NFATC2: variants seen among roughly 807,000 people sequenced by gnomAD.
The protein encoded by NFATC2 is nuclear factor of activated T-cells, cytoplasmic 2.
NFATC2 carries 22 observed loss-of-function variants against 87.3 expected under a neutral mutation model. That is an observed-to-expected ratio of 0.25 (90% CI 0.18 to 0.36). The LOEUF (loss-of-function observed/expected upper bound fraction) is 0.36. NFATC2 is among the 10% of genes least tolerant of loss of function. NFATC2 has a pLI of 1.00. For missense variants in NFATC2, 1,149 were observed against 1,259.1 expected (o/e 0.91, Z 1.32); for synonymous variants, 565 against 542.2 (o/e 1.04, Z -0.58).
In NFATC2 at chr20:51,480,036, C is replaced by T. The variant is rs1465266214; in HGVS notation, c.1333-4376G>A. On this transcript the variant is annotated intron_variant, in intron 3 of 10. Transcript: ENST00000371564. This position sits in a 1 kb window ranked among gnomAD's most constrained non-coding sequence, Gnocchi z 4.2. The stretch of plus-strand genomic sequence containing the variant: ...GGCGCGGTGGCTCGTGCCTGTAATC[C>T]CAGCACTTTGGGAGGCTGAGGTGGG... Among the ~76,000 whole-genome samples, 2 of 152,102 alleles carry T rather than the reference C, an allele frequency of 1.3e-5. No individual in the cohort carries two copies. The highest frequency in any genetic ancestry group is 4.8e-5 in the African/African-American group (2 of 41,410).
intron 6 of NFATC2, among the ~76,000 whole-genome samples, chr20:51,440,236 C>CAAAAAAAAAAAAAAAA (rs34071345): frequency 3.6e-4 from 35 of 97,194 alleles, no homozygotes; most frequent in East Asian, 2.2e-3. Context: ...AACTCCATCT[C>CAAAAAAAAAAAAAAAA]AAAAAAAAAA....
intron 6 of NFATC2, among the ~76,000 whole-genome samples, chr20:51,441,275 T>G (rs1189567583): frequency 6.7e-6 from 1 of 149,842 alleles, no homozygotes; most frequent in East Asian, 2.0e-4. Flanking sequence ...AGAGCAAGAC[T>G]TCATCTCAAA....
chr20:51,439,755 C>T (rs1467117879), intron 6 of NFATC2, among the ~76,000 whole-genome samples: 1 of 152,234 alleles, frequency 6.6e-6, no homozygotes, highest in African/African-American at 2.4e-5. Flanking sequence ...CTCCCACGTA[C>T]CCCAAATTTC....
chr20:51,521,182 T>C (rs1023853398), intron 2 of NFATC2, among the ~76,000 whole-genome samples: 27 of 152,216 alleles, frequency 1.8e-4, no homozygotes, highest in Non-Finnish European at 3.1e-4. Flanking sequence ...GTGGAGGAAA[T>C]GCCAGGCTGG....
intron 1 of NFATC2, among the ~76,000 whole-genome samples, chr20:51,555,179 G>A (rs1468062717): frequency 1.3e-5 from 2 of 152,158 alleles, no homozygotes; most frequent in African/African-American, 4.8e-5. Flanking sequence ...GCTAGAGGCT[G>A]CTCTCCCCTT....
At chr20:51,400,399 A>G (rs1221885964) in intron 9 of NFATC2, among the ~76,000 whole-genome samples, 2 of 147,800 alleles carry the variant, frequency 1.4e-5, no homozygotes, top group East Asian at 4.0e-4. Context: ...CAGACCATCC[A>G]CCCAGAACAC....
At chr20:51,393,628 C>CT (rs958464923) in intron 10 of NFATC2, among the ~76,000 whole-genome samples, 1 of 152,160 alleles carries the variant, frequency 6.6e-6, no homozygotes, top group Non-Finnish European at 1.5e-5. Context: ...TCAGTGCTCC[C>CT]TGCAGGGGTG....
At chr20:51,453,605 G>T (rs1365467038) in intron 6 of NFATC2, among the ~76,000 whole-genome samples, 1 of 152,162 alleles carries the variant, frequency 6.6e-6, no homozygotes, top group East Asian at 1.9e-4. Flanking sequence ...TCCTACTTCA[G>T]ATCAGCATCT....
intron 1 of NFATC2, among the ~76,000 whole-genome samples, chr20:51,555,294 C>T (rs1477469648): frequency 6.6e-6 from 1 of 152,128 alleles, no homozygotes; most frequent in Non-Finnish European, 1.5e-5. Flanking sequence ...CTTCAGACTC[C>T]TTACAAGATC....
chr20:51,530,229 C>T (rs777070128), intron 1 of NFATC2, among the ~76,000 whole-genome samples: 53 of 152,186 alleles, frequency 3.5e-4, no homozygotes, highest in African/African-American at 1.2e-3. Context: ...TACAGTGGTG[C>T]GATCTCGACT....
At position 51,387,843 on chromosome 20, in the gene NFATC2, A is replaced by G. The variant is rs1985921888; in HGVS notation, c.*3653T>C. 1 of 148,790 alleles carries G rather than the reference A, an allele frequency of 6.7e-6. No individual in the cohort carries two copies. Among genetic ancestry groups the G allele is most frequent in the African/African-American group, 2.5e-5 (1 of 40,064 alleles). The allele number at this position is 148,790 out of a possible 1,614,324, so 9.2% of individuals were successfully genotyped here. ...ATTCTTTCAATTCTGAGCAATAGAA[A>G]GCACTTGGAAAGGTCTTTTTTTTTT... On this transcript the variant is annotated 3_prime_UTR_variant, in exon 11 of 11. Transcript: ENST00000371564.
chr20:51,552,501 C>CTTTT (rs1325519934), intron 1 of NFATC2, among the ~76,000 whole-genome samples: 3 of 152,176 alleles, frequency 2.0e-5, no homozygotes, highest in Non-Finnish European at 4.4e-5. Flanking sequence ...CCTACAGAGT[C>CTTTT]TTTTAAAGCC....
chr20:51,545,794 T>A (rs1279955820), upstream of NFATC2, among the ~76,000 whole-genome samples: 2 of 150,914 alleles, frequency 1.3e-5, no homozygotes, highest in Non-Finnish European at 2.9e-5. Context: ...GGATGGAGGA[T>A]AAATGGATAA....
At chr20:51,520,626 CT>C (rs1260984009) in intron 2 of NFATC2, among the ~76,000 whole-genome samples, 1 of 150,356 alleles carries the variant, frequency 6.7e-6, no homozygotes, top group Admixed American at 6.6e-5. Flanking sequence ...AGGATGTTTC[CT>C]TTTTATTTAT....
At chr20:51,550,774 C>A (rs1037140116) in intron 1 of NFATC2, among the ~76,000 whole-genome samples, 4 of 152,062 alleles carry the variant, frequency 2.6e-5, no homozygotes, top group Non-Finnish European at 5.9e-5. Flanking sequence ...TGTTGAATAT[C>A]TTCTGTAATT....
chr20:51,439,806 A>G (rs1043446686), intron 6 of NFATC2, among the ~76,000 whole-genome samples: 2 of 152,094 alleles, frequency 1.3e-5, no homozygotes, highest in African/African-American at 2.4e-5. Flanking sequence ...ACTACCCCCA[A>G]TGATTTGTGA....
In NFATC2 at chr20:51,503,906, C is replaced by T. The variant is rs1250845733; in HGVS notation, c.1332+12878G>A. Among the ~76,000 whole-genome samples the T allele has an allele frequency of 3.9e-5, 6 of 152,374 alleles. No homozygotes were observed. In the South Asian group the frequency reaches 8.3e-4, roughly 21 times the overall value. ...TCACCCAGGCTGGAGTGCAGTGGTGCAATCTTGGCTCACTGCAGCCTCTGC... is the reference window on the plus strand; with the variant it reads ...TCACCCAGGCTGGAGTGCAGTGGTGTAATCTTGGCTCACTGCAGCCTCTGC... On this transcript the variant is annotated intron_variant, in intron 3 of 10. Transcript: ENST00000371564.
chr20:51,530,160 TTTTG>T (rs1170210094), intron 1 of NFATC2, among the ~76,000 whole-genome samples: 2 of 152,050 alleles, frequency 1.3e-5, no homozygotes, highest in Non-Finnish European at 2.9e-5. Flanking sequence ...GCTACTCCTT[TTTTG>T]TTTGTTTGTT....
In NFATC2 at chr20:51,562,071, TCCGCTGCTGCTGTAA is replaced by T. The variant is rs1451394580; in HGVS notation, c.70+474_70+488del. 1.3e-5 allele frequency among the ~76,000 whole-genome samples: 2 copies of T among 152,192 alleles called. No homozygotes were observed. Among genetic ancestry groups the T allele is most frequent in the Admixed American group, 1.3e-4 (2 of 15,284 alleles). On this transcript the variant is annotated intron_variant, in intron 1 of 10. Coordinates refer to the NFATC2 transcript ENST00000414705. This position sits in a 1 kb window ranked among gnomAD's most constrained non-coding sequence, Gnocchi z 5.8. ...AAAATAGTTTAAATGTCCCAGAGCA[TCCGCTGCTGCTGTAA>T]CTGTTAGAAAGCAAAGTCTTCCTTA... is the stretch of plus-strand genomic sequence containing the variant.
Sources: allele counts gnomAD v4.1 joint callset (sites outside exome capture counted in the v4.1 genomes callset), GRCh38; gene constraint gnomAD v4.1.1; non-coding constraint Gnocchi (gnomAD v3.1); transcripts MANE v1.5; gene names NCBI Gene and HGNC (gene_info 2026-07-23, HGNC 2026-07-21).